The following THSD7A variants were observed in gnomAD, a reference collection of about 807,000 sequenced individuals.
THSD7A encodes thrombospondin type 1 domain containing 7A.
In THSD7A, 96 loss-of-function variants were observed where a neutral mutation model predicts 231.3. That is an observed-to-expected ratio of 0.41 (90% CI 0.35 to 0.49). The LOEUF (loss-of-function observed/expected upper bound fraction) is 0.49. THSD7A is among the 20% of genes least tolerant of loss of function. THSD7A has a pLI of 0.05. For synonymous variants in THSD7A, 940 were observed against 743.3 expected, an observed-to-expected ratio of 1.26 and a Z score of -4.30; for missense variants, 2,290 against 2,070.2, an observed-to-expected ratio of 1.11 and a Z score of -2.06.
chr7:11,664,482 G>T (rs1309602215), intron 1 of THSD7A, among the ~76,000 whole-genome samples: 2 of 151,908 alleles, frequency 1.3e-5, no homozygotes, highest in South Asian at 4.1e-4. Context: ...CACATGCTTA[G>T]TAACATTATT....
chr7:11,482,361 T>C (rs1238747468), intron 6 of THSD7A, among the ~76,000 whole-genome samples: 1 of 152,188 alleles, frequency 6.6e-6, no homozygotes, highest in Admixed American at 6.5e-5. Context: ...TGAGCTATGA[T>C]TTACAAATAA....
Position 11,593,451 on chromosome 7 carries a change from G to T in THSD7A, c.1074C>A (p.Thr358=). The T allele has an allele frequency of 6.2e-7, 1 of 1,613,950 alleles. No homozygotes were observed. Among genetic ancestry groups the T allele is most frequent in the Non-Finnish European group, 8.5e-7 (1 of 1,179,884 alleles). Residue 358 remains threonine (T), a synonymous_variant, in exon 3 of 28, where the codon ACC becomes ACA. Coordinates refer to ENST00000423059, the MANE Select transcript of THSD7A (RefSeq NM_015204.3). ...ACCACTCGGAAACCTGGCACTCTTT[G>T]GTGATCACACAGGACTGGAAGGTCA... is the stretch of plus-strand genomic sequence containing the variant. ...LPMTFQSCVI[T]KECQVSEWSE... is the part of the protein sequence containing the mutation.
chr7:11,373,550 C>T lies in THSD7A; in HGVS notation c.*2244G>A, dbSNP rs1782143030. Reference sequence around the variant, plus strand: ...CCTTGCTTTAAAGTAAAATTTTCATCTTCCTGACTACCTGTTCTCTTTGAA... The same window carrying T: ...CCTTGCTTTAAAGTAAAATTTTCATTTTCCTGACTACCTGTTCTCTTTGAA... On this transcript the variant is annotated 3_prime_UTR_variant, in exon 28 of 28. Coordinates refer to ENST00000423059, the MANE Select transcript of THSD7A (RefSeq NM_015204.3). 1 of 151,948 alleles carries T rather than the reference C, an allele frequency of 6.6e-6. No homozygotes were observed. Among genetic ancestry groups the T allele is most frequent in the African/African-American group, 2.4e-5 (1 of 41,410 alleles). The allele number at this position is 151,948 out of a possible 1,614,324, so 9.4% of individuals were successfully genotyped here. A position where few individuals can be genotyped will look rare whatever the true frequency, so the allele number is the denominator to read the frequency against.
At chr7:11,805,196 G>A (rs1437675593) in intron 1 of THSD7A, among the ~76,000 whole-genome samples, 1 of 152,108 alleles carries the variant, frequency 6.6e-6, no homozygotes, top group Non-Finnish European at 1.5e-5. Context: ...AAGCATTCAT[G>A]TTCCCACTGC....
intron 7 of THSD7A, among the ~76,000 whole-genome samples, chr7:11,476,318 T>TACACACACACACACACACAC (rs59127235): frequency 4.4e-5 from 6 of 137,300 alleles, no homozygotes; most frequent in African/African-American, 1.3e-4. Context: ...CTCTGGAAGA[T>TACACACACACACACACACAC]ACACACACAC....
At chr7:11,629,867 A>T (rs1229457782) in intron 2 of THSD7A, among the ~76,000 whole-genome samples, 1 of 152,202 alleles carries the variant, frequency 6.6e-6, no homozygotes, top group African/African-American at 2.4e-5. Flanking sequence ...TAGAATCACA[A>T]AAGTTGAAAG....
intron 1 of THSD7A, among the ~76,000 whole-genome samples, chr7:11,769,154 T>TTTTTC (rs1783144999): frequency 6.8e-5 from 2 of 29,404 alleles, no homozygotes; most frequent in African/African-American, 9.7e-5. Context: ...TATATATATA[T>TTTTTC]TTTTTTTTTT....
At chr7:11,696,596 C>A (rs1780408694) in intron 1 of THSD7A, among the ~76,000 whole-genome samples, 1 of 151,208 alleles carries the variant, frequency 6.6e-6, no homozygotes, top group Admixed American at 6.6e-5. Flanking sequence ...TATCCCCCTC[C>A]CCCCGACAGG....
At chr7:11,757,744 G>A (rs1782731478) in intron 1 of THSD7A, among the ~76,000 whole-genome samples, 1 of 151,734 alleles carries the variant, frequency 6.6e-6, no homozygotes, top group South Asian at 2.1e-4. Flanking sequence ...ATTGTAACAT[G>A]ACTTATGATT....
intron 13 of THSD7A, among the ~76,000 whole-genome samples, chr7:11,430,637 C>T: frequency 6.6e-6 from 1 of 151,096 alleles, no homozygotes; most frequent in African/African-American, 2.4e-5. Context: ...GGCGAATTTT[C>T]ATATATATAT....
rs952935470 is a variant in THSD7A, at chr7:11,406,737, G to A, written c.4062+173C>T. The stretch of plus-strand genomic sequence containing the variant: ...TAAAAATATAGGGCATGGAGTTTTT[G>A]TTATCAAAACTAATTAAATGGTTAT... On this transcript the variant is annotated intron_variant, in intron 21 of 27. Coordinates refer to ENST00000423059, the MANE Select transcript of THSD7A (RefSeq NM_015204.3). This position sits in a 1 kb window ranked among gnomAD's most constrained non-coding sequence, Gnocchi z 4.7. Among the ~76,000 whole-genome samples, 1 of 152,138 alleles carries A rather than the reference G, an allele frequency of 6.6e-6. No individual in the cohort carries two copies. Among genetic ancestry groups the A allele is most frequent in the African/African-American group, 2.4e-5 (1 of 41,440 alleles).
intron 2 of THSD7A, among the ~76,000 whole-genome samples, chr7:11,622,585 C>T (rs1781349310): frequency 6.6e-6 from 1 of 152,058 alleles, no homozygotes; most frequent in African/African-American, 2.4e-5. Flanking sequence ...AACGATTCTT[C>T]TAGTGTCAAA....
chr7:11,658,479 T>G (rs1187489623), intron 1 of THSD7A, among the ~76,000 whole-genome samples: 1 of 151,638 alleles, frequency 6.6e-6, no homozygotes, highest in Admixed American at 6.6e-5. Flanking sequence ...ACTTATTATT[T>G]CAATGGCATT....
chr7:11,738,987 G>A (rs903491759), intron 1 of THSD7A, among the ~76,000 whole-genome samples: 2 of 151,950 alleles, frequency 1.3e-5, no homozygotes, highest in African/African-American at 4.8e-5. Context: ...CAATACTAAT[G>A]GATGCATCAT....
chr7:11,539,106 C>A (rs1789035702), intron 6 of THSD7A, among the ~76,000 whole-genome samples: 1 of 152,132 alleles, frequency 6.6e-6, no homozygotes, highest in Non-Finnish European at 1.5e-5. Context: ...TACAACTAAT[C>A]AACTTTAATT....
chr7:11,723,101 G>T (rs1298438843), intron 1 of THSD7A, among the ~76,000 whole-genome samples: 2 of 151,962 alleles, frequency 1.3e-5, no homozygotes, highest in Admixed American at 1.3e-4. Flanking sequence ...TGACAGACTG[G>T]ATTAAGAAAT....
At chr7:11,496,207 C>T (rs1301492396) in intron 6 of THSD7A, among the ~76,000 whole-genome samples, 3 of 152,112 alleles carry the variant, frequency 2.0e-5, no homozygotes, top group African/African-American at 7.2e-5. Flanking sequence ...AATTTTCCAA[C>T]AACTCTATGA....
At chr7:11,775,327 C>T (rs1184481278) in intron 1 of THSD7A, among the ~76,000 whole-genome samples, 1 of 152,100 alleles carries the variant, frequency 6.6e-6, no homozygotes, top group African/African-American at 2.4e-5. Flanking sequence ...TACCATATTA[C>T]CCAGCAATTC....
At chr7:11,647,810 T>G (rs1167011228) in intron 1 of THSD7A, among the ~76,000 whole-genome samples, 1 of 152,072 alleles carries the variant, frequency 6.6e-6, no homozygotes, top group Non-Finnish European at 1.5e-5. Context: ...AGGTTGGTCC[T>G]TAGCAATTGT....
Sources: gnomAD v4.1 joint callset for allele counts (sites outside exome capture counted in the v4.1 genomes callset) on GRCh38, gnomAD v4.1.1 for gene constraint, Gnocchi (gnomAD v3.1) non-coding constraint, MANE v1.5 for transcripts, NCBI Gene and HGNC (gene_info 2026-07-23, HGNC 2026-07-21) for gene names.